The following VWF variants were observed in gnomAD, a reference collection of about 807,000 sequenced individuals.
VWF encodes the protein von Willebrand factor.
In VWF, 176 loss-of-function variants were observed where a neutral mutation model predicts 308.6. The observed-to-expected ratio is 0.57, with a 90% CI of 0.50 to 0.65. The LOEUF is 0.65. VWF is among the 30% of genes least tolerant of loss of function. The probability of loss-of-function intolerance (pLI) is 0.00; values close to 1 mark genes in which losing one functional copy is unlikely to be tolerated. For missense variants in VWF, 3,146 were observed against 3,648.2 expected, an observed-to-expected ratio of 0.86 and a Z score of 3.55; for synonymous variants, 1,385 against 1,443.4, an observed-to-expected ratio of 0.96 and a Z score of 0.92.
At chr12:6,118,729 A>T (rs1945397576) in intron 3 of VWF, among the ~76,000 whole-genome samples, 1 of 152,028 alleles carries the variant, frequency 6.6e-6, no homozygotes, top group Admixed American at 6.6e-5. Flanking sequence ...ATTCCCACTG[A>T]CAACCCCAGA....
At chr12:6,108,326 GAAA>G (rs1945266285) in intron 5 of VWF, among the ~76,000 whole-genome samples, 2 of 54,994 alleles carry the variant, frequency 3.6e-5, no homozygotes, top group African/African-American at 1.1e-4. Flanking sequence ...AAGAAAGAAA[GAAA>G]TATATACACA....
chr12:6,057,490 T>G (rs1280948171), intron 14 of VWF, among the ~76,000 whole-genome samples: 1 of 113,834 alleles, frequency 8.8e-6, no homozygotes, highest in African/African-American at 3.2e-5. Context: ...TTTATTATTA[T>G]TATTATTATT....
chr12:5,982,499 A>G (rs1254602415), intron 41 of VWF, among the ~76,000 whole-genome samples: 2 of 152,122 alleles, frequency 1.3e-5, no homozygotes, highest in African/African-American at 2.4e-5. Context: ...GTCACTTTTA[A>G]AAGACCAAAT....
chr12:6,040,633 G>A (rs216340), intron 18 of VWF, among the ~76,000 whole-genome samples: 35,155 of 152,110 alleles, frequency 0.23, 4,618 homozygotes, highest in East Asian at 0.53. Flanking sequence ...ACCTGGAAGT[G>A]TGAGGTTCCG....
In VWF at chr12:6,046,776, ACT is replaced by A; in HGVS notation, c.2226_2227del (p.Val743ProfsTer7). ...AGCGTCAGGCAGCAAGCTTCCGGGG[ACT>A]CCACTCATGGTACAGTGCATGAAGC... On this transcript the variant is annotated frameshift_variant, in exon 17 of 52. Coordinates refer to ENST00000261405, the MANE Select transcript of VWF (RefSeq NM_000552.5). LOFTEE classifies it high-confidence loss of function. The surrounding 1 kb of genome is among the most constrained non-coding windows in gnomAD (Gnocchi z 5.0). 2 of 1,614,088 alleles carry A rather than the reference ACT, an allele frequency of 1.2e-6. No individual in the cohort carries two copies. The highest frequency in any genetic ancestry group is 1.7e-6 in the Non-Finnish European group (2 of 1,180,026).
At chr12:6,098,316 T>C (rs994729934) in intron 5 of VWF, among the ~76,000 whole-genome samples, 5 of 152,224 alleles carry the variant, frequency 3.3e-5, no homozygotes, top group Non-Finnish European at 7.3e-5. Context: ...CAGTATAGAC[T>C]TCATTTTCAG....
chr12:6,120,675 G>A (rs551412548), intron 3 of VWF, among the ~76,000 whole-genome samples: 1 of 152,198 alleles, frequency 6.6e-6, no homozygotes, highest in South Asian at 2.1e-4. Flanking sequence ...GTTCTCCATT[G>A]GTAAAACTGG....
chr12:6,057,582 TCAAGCGATCC>T (rs1944599869), intron 14 of VWF, among the ~76,000 whole-genome samples: 1 of 147,692 alleles, frequency 6.8e-6, no homozygotes, highest in Admixed American at 6.7e-5. Context: ...ACTCCTGCCC[TCAAGCGATCC>T]TCCCGCCTCG....
chr12:6,123,106 G>C (rs967329880), intron 2 of VWF, 36 bp downstream of exon 2: 2 of 1,613,550 alleles, frequency 1.2e-6, no homozygotes, highest in Admixed American at 3.3e-5. Context: ...ATGGCCCTGG[G>C]GCAGGAATGA....
chr12:6,085,715 G>A (rs566932226), intron 6 of VWF, among the ~76,000 whole-genome samples: 25 of 151,404 alleles, frequency 1.7e-4, no homozygotes, highest in Non-Finnish European at 2.8e-4. Context: ...GCCTGTGGGC[G>A]GGGAGGGGGG....
chr12:6,005,488 G>A (rs1335416059), intron 34 of VWF, among the ~76,000 whole-genome samples: 3 of 152,110 alleles, frequency 2.0e-5, no homozygotes, highest in Non-Finnish European at 4.4e-5. Flanking sequence ...TAAATTTAGG[G>A]AAGAAAATAG....
chr12:6,019,824 C>T lies in VWF; in HGVS notation c.3675-81G>A. ...TGAGCCCTACAGTGTACAATGACTTCCATATTCCCACAGAATCTCCTCTGT... is the reference window on the plus strand; with the variant it reads ...TGAGCCCTACAGTGTACAATGACTTTCATATTCCCACAGAATCTCCTCTGT... On this transcript the variant is annotated intron_variant, in intron 27 of 51. Transcript: ENST00000261405. The surrounding 1 kb of genome is among the most constrained non-coding windows in gnomAD (Gnocchi z 5.8). 1 of 1,432,152 alleles carries T rather than the reference C, an allele frequency of 7.0e-7. No homozygotes were observed. Among genetic ancestry groups the T allele is most frequent in the South Asian group, 1.2e-5 (1 of 81,434 alleles). 88.7% of individuals were successfully genotyped at this position (1,432,152 alleles called of 1,614,324 possible). A position where few individuals can be genotyped will look rare whatever the true frequency, so the allele number is the denominator to read the frequency against.
chr12:5,994,023 A>T lies in VWF; in HGVS notation c.6437T>A (p.Leu2146Gln). ...SSHCQVLLLP[L>Q]FAECHKVLAP... is the part of the protein sequence containing the mutation. ...CAGGACCTTGTGGCATTCAGCAAAC[A>T]GTGGTAAGAGGAGGACCTGGCAGTG... Residue 2146 changes from leucine (L) to glutamine (Q), a missense_variant, in exon 37 of 52, where the codon CTG (leucine) becomes CAG (glutamine). Physicochemically the swap from Leu to Gln is moderately radical, Grantham distance 113 (BLOSUM62 -2). Around this residue, in one of 3 missense-constraint regions of VWF, gnomAD observed 989 missense variants for 1,117.4 expected, o/e 0.89. Transcript: ENST00000261405. 6.2e-7 allele frequency: 1 copy of T among 1,614,196 alleles called. No homozygotes were observed. The highest frequency in any genetic ancestry group is 8.5e-7 in the Non-Finnish European group (1 of 1,180,034).
intron 6 of VWF, among the ~76,000 whole-genome samples, chr12:6,082,233 G>A (rs1465597448): frequency 6.6e-6 from 1 of 152,110 alleles, no homozygotes; most frequent in East Asian, 1.9e-4. Flanking sequence ...CCAAAGTGCT[G>A]GGATTGCAGG....
chr12:6,092,634 T>TGAGAGAGAGAGAGAGAGAGA (rs1565386750), intron 6 of VWF, among the ~76,000 whole-genome samples: 1 of 79,262 alleles, frequency 1.3e-5, no homozygotes, highest in Admixed American at 1.1e-4. Flanking sequence ...TGTGTGTGTG[T>TGAGAGAGAGAGAGAGAGAGA]GTGTGTGTGT....
intron 13 of VWF, among the ~76,000 whole-genome samples, chr12:6,059,991 C>T (rs1306739451): frequency 1.3e-5 from 2 of 152,000 alleles, no homozygotes; most frequent in East Asian, 1.9e-4. Flanking sequence ...TCCCCAAAGG[C>T]GTTTTCATTC....
chr12:5,971,619 A>G lies in VWF; in HGVS notation c.7528T>C (p.Ser2510Pro). The G allele has an allele frequency of 1.2e-6, 2 of 1,614,132 alleles. No individual in the cohort carries two copies. The highest frequency in any genetic ancestry group is 1.7e-6 in the Non-Finnish European group (2 of 1,180,006). ...EVVTGSPRGD[S>P]QSSWKSVGSQ... ...CCTACACTCTTCCAGGAAGACTGGG[A>G]GTCCCCCCGCGGTGAGCCAGTCACC... Residue 2510 changes from serine (S) to proline (P), a missense_variant, in exon 44 of 52, where the codon TCC becomes CCC. Around this residue, in one of 3 missense-constraint regions of VWF, gnomAD observed 989 missense variants for 1,117.4 expected, o/e 0.89. Transcript: ENST00000261405.
In VWF at chr12:6,057,852, T is replaced by A. The variant is rs1944606038; in HGVS notation, c.1726A>T (p.Met576Leu). ...HSDPCALNPR[M>L]TRFSEEACAV... ...CCTTGCCCCCGGGTTCACATACTCATGCGCGGGTTGAGGGCGCAGGGATCG... is the reference window on the plus strand; with the variant it reads ...CCTTGCCCCCGGGTTCACATACTCAAGCGCGGGTTGAGGGCGCAGGGATCG... The change falls in exon 14 of 52, where the codon ATG becomes TTG. Residue 576 changes from methionine (M) to leucine (L), a missense_variant. By Grantham distance (15) the Met-to-Leu change is conservative. This residue lies in a region of VWF where 1,304 missense variants were observed against 1,353.0 expected (regional missense o/e 0.96). Coordinates refer to ENST00000261405, the MANE Select transcript of VWF (RefSeq NM_000552.5). The A allele has an allele frequency of 6.2e-7, 1 of 1,607,060 alleles. No homozygotes were observed. The highest frequency in any genetic ancestry group is 8.5e-7 in the Non-Finnish European group (1 of 1,176,524).
At chr12:6,112,753 G>A (rs1945321698) in intron 3 of VWF, among the ~76,000 whole-genome samples, 1 of 152,060 alleles carries the variant, frequency 6.6e-6, no homozygotes, top group Non-Finnish European at 1.5e-5. Context: ...TCCTAGCCAG[G>A]AGAGGAAGAG....
Sources: gnomAD v4.1 joint callset for allele counts (sites outside exome capture counted in the v4.1 genomes callset) on GRCh38, gnomAD v4.1.1 for gene constraint, gnomAD v4.1.1 regional missense constraint, Gnocchi (gnomAD v3.1) non-coding constraint, MANE v1.5 for transcripts, NCBI Gene and HGNC (gene_info 2026-07-23, HGNC 2026-07-21) for gene names.